KLF12: variants seen among roughly 807,000 people sequenced by gnomAD.
KLF12 encodes the protein KLF transcription factor 12.
In KLF12, 9 loss-of-function variants were observed where a neutral mutation model predicts 37.8. The ratio of observed to expected loss-of-function variants is 0.24; its 90% CI spans 0.14 to 0.42. The LOEUF is 0.42. Among genes scored for constraint, KLF12 ranks in the 10% least tolerant of loss-of-function variants. The pLI is 1.00. For missense variants in KLF12, 411 were observed against 516.0 expected (o/e 0.80, Z 1.97); for synonymous variants, 208 against 202.1 (o/e 1.03, Z -0.25).
chr13:73,755,723 G>A (rs1319758229), intron 6 of KLF12, among the ~76,000 whole-genome samples: 1 of 151,844 alleles, frequency 6.6e-6, no homozygotes, highest in African/African-American at 2.4e-5. Flanking sequence ...CCCATCACCT[G>A]AGCAGTGTAC....
chr13:73,747,792 A>G (rs1279901742), intron 6 of KLF12, among the ~76,000 whole-genome samples: 1 of 152,212 alleles, frequency 6.6e-6, no homozygotes, highest in Non-Finnish European at 1.5e-5. Flanking sequence ...GAGTTAATAT[A>G]TAGTAACTGA....
chr13:73,784,459 A>C (rs577655667), intron 5 of KLF12, among the ~76,000 whole-genome samples: 1 of 151,342 alleles, frequency 6.6e-6, no homozygotes, highest in African/African-American at 2.4e-5. Flanking sequence ...TTCTACTTCC[A>C]TAACTCTAAT....
chr13:73,753,274 C>A (rs2137988630), intron 6 of KLF12, among the ~76,000 whole-genome samples: 1 of 152,272 alleles, frequency 6.6e-6, no homozygotes, highest in African/African-American at 2.4e-5. Flanking sequence ...TTGTTCCCAT[C>A]TGAAGGCCTT....
At chr13:73,715,679 CT>C (rs1335594698) in intron 6 of KLF12, among the ~76,000 whole-genome samples, 154 bp from the exon 7 acceptor site, 1 of 152,164 alleles carries the variant, frequency 6.6e-6, no homozygotes, top group Non-Finnish European at 1.5e-5. Context: ...GCAGATCTCA[CT>C]TTTCGAAACC....
chr13:73,974,637 T>C (rs764906624), intron 2 of KLF12, among the ~76,000 whole-genome samples: 6 of 152,192 alleles, frequency 3.9e-5, no homozygotes, highest in Non-Finnish European at 8.8e-5. Context: ...ACTTTGACAC[T>C]AAAATTCTGA....
upstream of KLF12, among the ~76,000 whole-genome samples, chr13:74,136,513 T>C (rs972028298): frequency 3.9e-5 from 6 of 152,208 alleles, no homozygotes; most frequent in Admixed American, 2.6e-4. Flanking sequence ...GGAAGGATGC[T>C]GTAAGAAATT....
At chr13:74,298,241 CA>C in the KLF12 span, among the ~76,000 whole-genome samples, 4 of 152,058 alleles carry the variant, frequency 2.6e-5, no homozygotes, top group Non-Finnish European at 5.9e-5. Flanking sequence ...AAATACTTTT[CA>C]GAGGAATTTG....
intron 4 of KLF12, among the ~76,000 whole-genome samples, chr13:73,845,493 T>C (rs1024534517): frequency 6.6e-6 from 1 of 152,202 alleles, no homozygotes; most frequent in Non-Finnish European, 1.5e-5. Flanking sequence ...TCATAAGCAA[T>C]TATGTTCACC....
At chr13:74,104,753 A>G (rs766922046) in intron 1 of KLF12, among the ~76,000 whole-genome samples, 62 of 152,214 alleles carry the variant, frequency 4.1e-4, no homozygotes, top group Non-Finnish European at 8.2e-4. Context: ...TATTTTAAGA[A>G]GCAACAGAAC....
intron 1 of KLF12, among the ~76,000 whole-genome samples, chr13:74,010,813 A>G (rs1052049368): frequency 6.6e-6 from 1 of 152,238 alleles, no homozygotes; most frequent in Non-Finnish European, 1.5e-5. Flanking sequence ...CCAGATTTCT[A>G]GAAACATGCA....
In KLF12 at chr13:73,688,334, CTGT is replaced by C; in HGVS notation, c.*7153_*7155del. On this transcript the variant is annotated 3_prime_UTR_variant, in exon 8 of 8. Coordinates refer to ENST00000377669, the MANE Select transcript of KLF12 (RefSeq NM_007249.5). ...CTATTTAAAACATTCCACAACAGAG[CTGT>C]TAAGTGAGAACTCTGAAAAAGAATT... 1 of 152,464 alleles carries C rather than the reference CTGT, an allele frequency of 6.6e-6. No homozygotes were observed. The highest frequency in any genetic ancestry group is 1.5e-5 in the Non-Finnish European group (1 of 68,008). The allele number at this position is 152,464 out of a possible 1,614,324, so 9.4% of individuals were successfully genotyped here. A position where few individuals can be genotyped will look rare whatever the true frequency, so the allele number is the denominator to read the frequency against.
chr13:73,716,046 T>G (rs1250711241), intron 6 of KLF12, among the ~76,000 whole-genome samples: 2 of 152,196 alleles, frequency 1.3e-5, no homozygotes, highest in Non-Finnish European at 2.9e-5. Flanking sequence ...ATCAGTAACA[T>G]GAATCATGAC....
At chr13:73,942,541 G>A (rs961650782) in intron 3 of KLF12, among the ~76,000 whole-genome samples, 3 of 152,070 alleles carry the variant, frequency 2.0e-5, no homozygotes, top group Non-Finnish European at 4.4e-5. Flanking sequence ...TATCTATAAG[G>A]TTTGGAAGGT....
intron 3 of KLF12, among the ~76,000 whole-genome samples, chr13:73,890,135 T>C (rs9600182): frequency 0.35 from 53,144 of 151,896 alleles, 9,733 homozygotes; most frequent in Middle Eastern, 0.42. Context: ...AGTTTATTAT[T>C]ATCAGAGCAA....
chr13:73,703,536 G>A (rs897291613), intron 7 of KLF12, among the ~76,000 whole-genome samples: 2 of 152,038 alleles, frequency 1.3e-5, no homozygotes, highest in African/African-American at 4.8e-5. Flanking sequence ...TTTTCATTAG[G>A]TATTATGAAG....
chr13:74,082,350 A>AT (rs1874966330), intron 1 of KLF12, among the ~76,000 whole-genome samples: 1 of 152,176 alleles, frequency 6.6e-6, no homozygotes, highest in African/African-American at 2.4e-5. Flanking sequence ...AGGAAAAAAT[A>AT]TAAGTGAGCT....
intron 5 of KLF12, among the ~76,000 whole-genome samples, chr13:73,793,127 T>A (rs1881780773): frequency 6.6e-6 from 1 of 152,236 alleles, no homozygotes; most frequent in Non-Finnish European, 1.5e-5. Flanking sequence ...AACAGGAAGC[T>A]GCAGCAACTA....
At chr13:73,791,500 G>C (rs756965886) in intron 5 of KLF12, among the ~76,000 whole-genome samples, 4 of 152,064 alleles carry the variant, frequency 2.6e-5, no homozygotes, top group Non-Finnish European at 5.9e-5. Context: ...TGTTCTCCTA[G>C]GGTAAAACCT....
chr13:74,200,481 CG>C, the KLF12 span, among the ~76,000 whole-genome samples: 1 of 152,026 alleles, frequency 6.6e-6, no homozygotes. Flanking sequence ...GCCTGGATTT[CG>C]TCTTGGAAAT....
Sources: allele counts gnomAD v4.1 joint callset (sites outside exome capture counted in the v4.1 genomes callset), GRCh38; gene constraint gnomAD v4.1.1; transcripts MANE v1.5; gene names NCBI Gene and HGNC (gene_info 2026-07-23, HGNC 2026-07-21).